The following MAP2K5 variants were observed in gnomAD, a reference collection of about 807,000 sequenced individuals.
MAP2K5 encodes the protein dual specificity mitogen-activated protein kinase kinase 5.
In MAP2K5, 49 loss-of-function variants were observed where a neutral mutation model predicts 83.1. The ratio of observed to expected loss-of-function variants is 0.59; its 90% CI spans 0.47 to 0.75. The LOEUF is 0.75. MAP2K5 is among the 30% of genes least tolerant of loss of function. The pLI, the probability that MAP2K5 is intolerant of heterozygous loss-of-function variation, is 0.00. For synonymous variants in MAP2K5, 202 were observed against 191.8 expected, an observed-to-expected ratio of 1.05 and a Z score of -0.44; for missense variants, 457 against 557.5, an observed-to-expected ratio of 0.82 and a Z score of 1.82.
intron 9 of MAP2K5, 62 bp downstream of exon 9, chr15:67,630,989 C>T: frequency 1.5e-6 from 2 of 1,291,798 alleles, no homozygotes; most frequent in Non-Finnish European, 2.2e-6. Context: ...CCTCTGTTAG[C>T]TTGAGTCACA....
rs1176470902 is a variant in MAP2K5 at position 67,580,774 on chromosome 15, A to G, written c.273A>G (p.Glu91=). The G allele has an allele frequency of 6.2e-7, 1 of 1,607,948 alleles. No individual in the cohort carries two copies. Among genetic ancestry groups the G allele is most frequent in the Non-Finnish European group, 8.5e-7 (1 of 1,175,346 alleles). The stretch of plus-strand genomic sequence containing the variant: ...TGCAGTATTATTCCACAGTAATGGA[A>G]CAGCAAGTAAATGGACAGTTAATAG... ...MLSYYYSTVM[E]QQVNGQLIEP... The change falls in exon 4 of 22, where the codon GAA becomes GAG. Residue 91 remains glutamate (E), a synonymous_variant. Coordinates refer to ENST00000178640, the MANE Select transcript of MAP2K5 (RefSeq NM_145160.3).
chr15:67,572,898 G>T lies in MAP2K5; in HGVS notation c.253-7856G>T, dbSNP rs1314522399. On this transcript the variant is annotated intron_variant, in intron 3 of 21. Transcript: ENST00000178640. The surrounding 1 kb of genome is among the most constrained non-coding windows in gnomAD (Gnocchi z 4.2). Reference sequence around the variant, plus strand: ...ATTTTTAGTAGAGACGGGTTTTCACGTATTGGCCAGGCTGGTCTCAAACTC... The same window carrying T: ...ATTTTTAGTAGAGACGGGTTTTCACTTATTGGCCAGGCTGGTCTCAAACTC... 6.6e-6 allele frequency among the ~76,000 whole-genome samples: 1 copy of T among 152,004 alleles called. No homozygotes were observed. Among genetic ancestry groups the T allele is most frequent in the Non-Finnish European group, 1.5e-5 (1 of 68,008 alleles).
intron 6 of MAP2K5, among the ~76,000 whole-genome samples, chr15:67,589,347 G>T (rs899813511): frequency 1.3e-5 from 2 of 152,012 alleles, no homozygotes; most frequent in African/African-American, 4.8e-5. Flanking sequence ...CTCAAAGCAT[G>T]GGTTGTTTTT....
At position 67,736,321 on chromosome 15, in the gene MAP2K5, C is replaced by G. The variant is rs1196034699; in HGVS notation, c.1074+8376C>G. The stretch of plus-strand genomic sequence containing the variant: ...TTGGCACATGCCCCTGAGGGGTTCC[C>G]TGCCACCCTTTATGAATTTGGCTTG... On this transcript the variant is annotated intron_variant, in intron 17 of 21. Coordinates refer to ENST00000178640, the MANE Select transcript of MAP2K5 (RefSeq NM_145160.3). The surrounding 1 kb of genome is among the most constrained non-coding windows in gnomAD (Gnocchi z 4.3). 6.6e-6 allele frequency among the ~76,000 whole-genome samples: 1 copy of G among 152,232 alleles called. No homozygotes were observed. The highest frequency in any genetic ancestry group is 6.5e-5 in the Admixed American group (1 of 15,292).
chr15:67,785,569 A>G lies in MAP2K5; in HGVS notation c.1242+12817A>G, dbSNP rs1274803237. Among the ~76,000 whole-genome samples, 1 of 152,178 alleles carries G rather than the reference A, an allele frequency of 6.6e-6. No individual in the cohort carries two copies. The highest frequency in any genetic ancestry group is 1.5e-5 in the Non-Finnish European group (1 of 68,024). ...ACAGGAAGCCAAACAATCGGGGTCC[A>G]TCTTGAAGGGAGAGGGGAAACAGCA... On this transcript the variant is annotated intron_variant, in intron 21 of 21. Coordinates refer to ENST00000178640, the MANE Select transcript of MAP2K5 (RefSeq NM_145160.3). This position sits in a 1 kb window ranked among gnomAD's most constrained non-coding sequence, Gnocchi z 4.4.
intron 6 of MAP2K5, 57 bp downstream of exon 6, chr15:67,586,970 G>A: frequency 6.4e-7 from 1 of 1,574,066 alleles, no homozygotes; most frequent in Non-Finnish European, 8.7e-7. Context: ...GAGTTGGGGT[G>A]GGGTGGGGAA....
chr15:67,692,862 G>A (rs1004705000), intron 14 of MAP2K5, among the ~76,000 whole-genome samples: 1 of 152,190 alleles, frequency 6.6e-6, no homozygotes. Context: ...GGCAGAGTGG[G>A]AGCTGTGCCT....
chr15:67,647,297 A>C (rs1337516853), intron 11 of MAP2K5, among the ~76,000 whole-genome samples: 1 of 152,200 alleles, frequency 6.6e-6, no homozygotes, highest in African/African-American at 2.4e-5. Context: ...GTTATAGTAG[A>C]ATGTCAAAAA....
intron 8 of MAP2K5, among the ~76,000 whole-genome samples, chr15:67,607,869 A>G (rs776988321): frequency 2.0e-5 from 3 of 152,258 alleles, no homozygotes; most frequent in Admixed American, 6.5e-5. Context: ...TTGTTCTAGT[A>G]TATTGGTTTG....
At chr15:67,574,109 A>G (rs1353874791) in intron 3 of MAP2K5, among the ~76,000 whole-genome samples, 2 of 152,204 alleles carry the variant, frequency 1.3e-5, no homozygotes, top group Non-Finnish European at 2.9e-5. Flanking sequence ...CTCTTGGGGT[A>G]TGGATAAGGA....
Position 67,777,426 on chromosome 15 carries a change from C to T in MAP2K5, c.1242+4674C>T, listed in dbSNP as rs181426202. ...TAATCAGGTCAGAAGAAGCAGCATC[C>T]CGGTTTGAGATCAATCGCTGGCTAA... On this transcript the variant is annotated intron_variant, in intron 21 of 21. Transcript: ENST00000178640. This position sits in a 1 kb window ranked among gnomAD's most constrained non-coding sequence, Gnocchi z 6.0. Among the ~76,000 whole-genome samples, 170 of 152,250 alleles carry T rather than the reference C, an allele frequency of 1.1e-3. 1 individual carries two copies. The highest frequency in any genetic ancestry group is 4.0e-3 in the African/African-American group (165 of 41,532).
chr15:67,757,150 T>A lies in MAP2K5; in HGVS notation c.1134+8549T>A, dbSNP rs2089855662. The stretch of plus-strand genomic sequence containing the variant: ...GTTTTCCATAATGGCTATACCAATT[T>A]ACATTCCCATGAACAGTGTATAAGG... On this transcript the variant is annotated intron_variant, in intron 19 of 21. Transcript: ENST00000178640. The surrounding 1 kb of genome is among the most constrained non-coding windows in gnomAD (Gnocchi z 4.9). Among the ~76,000 whole-genome samples, 1 of 152,208 alleles carries A rather than the reference T, an allele frequency of 6.6e-6. No individual in the cohort carries two copies. Among genetic ancestry groups the A allele is most frequent in the Admixed American group, 6.5e-5 (1 of 15,284 alleles).
At chr15:67,733,029 T>C (rs1269372271) in intron 17 of MAP2K5, among the ~76,000 whole-genome samples, 1 of 152,212 alleles carries the variant, frequency 6.6e-6, no homozygotes, top group Non-Finnish European at 1.5e-5. Context: ...GCAAGGGAAG[T>C]GCAAACATCC....
intron 6 of MAP2K5, among the ~76,000 whole-genome samples, chr15:67,588,406 G>C (rs190243388): frequency 6.6e-6 from 1 of 152,132 alleles, no homozygotes; most frequent in African/African-American, 2.4e-5. Context: ...CATCCCCAGT[G>C]CACACCAGGG....
At chr15:67,544,787 A>G (rs1374482340) in intron 1 of MAP2K5, among the ~76,000 whole-genome samples, 1 of 152,172 alleles carries the variant, frequency 6.6e-6, no homozygotes, top group African/African-American at 2.4e-5. Context: ...CTTAATCAAA[A>G]TTTGATTTCT....
chr15:67,799,711 A>G (rs912235517), intron 21 of MAP2K5, among the ~76,000 whole-genome samples: 26 of 152,256 alleles, frequency 1.7e-4, no homozygotes, highest in African/African-American at 6.3e-4. Flanking sequence ...CAGGCCAGAC[A>G]GATCTGCCCA....
chr15:67,678,584 A>G (rs925990326), intron 13 of MAP2K5, among the ~76,000 whole-genome samples: 5 of 152,256 alleles, frequency 3.3e-5, no homozygotes, highest in African/African-American at 4.8e-5. Flanking sequence ...GGTCACAACA[A>G]AAAGGGAATC....
intron 16 of MAP2K5, among the ~76,000 whole-genome samples, chr15:67,716,221 G>C (rs1476998070): frequency 2.0e-5 from 3 of 152,126 alleles, no homozygotes. Context: ...CACACCAGTA[G>C]TCCCAGCTAC....
chr15:67,776,182 C>T (rs1012415380), intron 21 of MAP2K5, among the ~76,000 whole-genome samples: 1 of 152,136 alleles, frequency 6.6e-6, no homozygotes, highest in Non-Finnish European at 1.5e-5. Flanking sequence ...AGCATACCGA[C>T]AGAAGACAGG....
Sources: allele counts gnomAD v4.1 joint callset (sites outside exome capture counted in the v4.1 genomes callset), GRCh38; gene constraint gnomAD v4.1.1; non-coding constraint Gnocchi (gnomAD v3.1); transcripts MANE v1.5; gene names NCBI Gene and HGNC (gene_info 2026-07-23, HGNC 2026-07-21).